KCNQ3: variants seen among roughly 807,000 people sequenced by gnomAD.
KCNQ3 encodes the protein potassium voltage-gated channel subfamily KQT member 3.
A neutral mutation model predicts 92.5 loss-of-function variants in KCNQ3; 30 were observed. That is an observed-to-expected ratio of 0.32 (90% CI 0.24 to 0.44). The LOEUF is 0.44. KCNQ3 is among the 20% of genes least tolerant of loss of function. KCNQ3 has a pLI of 1.00. For synonymous variants in KCNQ3, 450 were observed against 468.8 expected (o/e 0.96, Z 0.52); for missense variants, 913 against 1,140.3 (o/e 0.80, Z 2.87).
At chr8:132,344,641 A>C (rs891716978) in intron 1 of KCNQ3, among the ~76,000 whole-genome samples, 1 of 152,234 alleles carries the variant, frequency 6.6e-6, no homozygotes, top group African/African-American at 2.4e-5. Context: ...TATCTTCAGC[A>C]CCTAGGCAAA....
chr8:132,321,033 C>T (rs1817879724), intron 1 of KCNQ3, among the ~76,000 whole-genome samples: 1 of 152,234 alleles, frequency 6.6e-6, no homozygotes, highest in Non-Finnish European at 1.5e-5. Flanking sequence ...TAAGACAGGA[C>T]CTGGTCTTCA....
At chr8:132,159,792 G>A (rs769041131) in intron 9 of KCNQ3, among the ~76,000 whole-genome samples, 16 of 152,068 alleles carry the variant, frequency 1.1e-4, no homozygotes, top group Non-Finnish European at 2.1e-4. Context: ...AAGTTGGGTG[G>A]AACACTATGA....
chr8:132,161,930 C>G (rs1826003554), intron 9 of KCNQ3, among the ~76,000 whole-genome samples: 1 of 152,226 alleles, frequency 6.6e-6, no homozygotes, highest in South Asian at 2.1e-4. Flanking sequence ...ATCTCAACTG[C>G]TAATGCATCA....
chr8:132,258,494 G>T (rs540192211), intron 1 of KCNQ3, among the ~76,000 whole-genome samples: 1 of 152,082 alleles, frequency 6.6e-6, no homozygotes, highest in African/African-American at 2.4e-5. Context: ...CAAAACTTAT[G>T]AGATACAGCA....
intron 1 of KCNQ3, among the ~76,000 whole-genome samples, chr8:132,363,455 G>C (rs1017093441): frequency 2.0e-5 from 3 of 152,110 alleles, no homozygotes; most frequent in Non-Finnish European, 4.4e-5. Flanking sequence ...TGTGGCAAAG[G>C]AGGAAGGGGA....
chr8:132,290,469 G>A (rs553368801), intron 1 of KCNQ3, among the ~76,000 whole-genome samples: 3 of 152,276 alleles, frequency 2.0e-5, no homozygotes, highest in Non-Finnish European at 2.9e-5. Flanking sequence ...ATTTTCACAT[G>A]GATTACTTTG....
At chr8:132,328,036 G>A (rs1818111218) in intron 1 of KCNQ3, among the ~76,000 whole-genome samples, 1 of 152,164 alleles carries the variant, frequency 6.6e-6, no homozygotes, top group Non-Finnish European at 1.5e-5. Context: ...GGGCATGGGT[G>A]ATGAGCAGGA....
chr8:132,448,568 G>A (rs929824263), intron 1 of KCNQ3, among the ~76,000 whole-genome samples: 2 of 149,560 alleles, frequency 1.3e-5, no homozygotes, highest in African/African-American at 5.0e-5. Flanking sequence ...AGGAGGAGGA[G>A]GAAGGATGTG....
intron 1 of KCNQ3, among the ~76,000 whole-genome samples, chr8:132,302,893 G>C (rs1817265995): frequency 1.3e-5 from 2 of 152,204 alleles, no homozygotes; most frequent in African/African-American, 4.8e-5. Context: ...GCAGCTGGCT[G>C]TTTTATAAGC....
rs549372035 is a variant in KCNQ3 at position 132,175,530 on chromosome 8, C to A, written c.856G>T (p.Val286Phe). The A allele has an allele frequency of 2.9e-5, 46 of 1,614,006 alleles. No homozygotes were observed. Among genetic ancestry groups the A allele is most frequent in the Non-Finnish European group, 3.6e-5 (43 of 1,179,976 alleles). Residue 286 changes from valine to phenylalanine, a missense_variant, in exon 5 of 15, where the codon GTC becomes TTC. By Grantham distance (50) the Val-to-Phe change is conservative. Transcript: ENST00000388996. ...TCTCCTTGTGCATCCACCTCTGGGA[C>A]GTCTTTCTCAACCAGGTAGACAAGA... ...SFLVYLVEKD[V>F]PEVDAQGEEM...
At chr8:132,337,905 G>A (rs1444670081) in intron 1 of KCNQ3, among the ~76,000 whole-genome samples, 1 of 152,218 alleles carries the variant, frequency 6.6e-6, no homozygotes. Flanking sequence ...CTTGCCAAGA[G>A]AGGAACATCA....
At chr8:132,176,807 C>G (rs930270676) in intron 4 of KCNQ3, among the ~76,000 whole-genome samples, 3 of 152,230 alleles carry the variant, frequency 2.0e-5, no homozygotes, top group Non-Finnish European at 4.4e-5. Flanking sequence ...TATTCCCTCC[C>G]CATTTTCTAA....
At chr8:132,326,489 T>TGG (rs1818055684) in intron 1 of KCNQ3, among the ~76,000 whole-genome samples, 1 of 152,150 alleles carries the variant, frequency 6.6e-6, no homozygotes, top group South Asian at 2.1e-4. Flanking sequence ...TTTGAATGTG[T>TGG]CTCCACCAAA....
At chr8:132,238,398 T>C (rs12681384) in intron 1 of KCNQ3, among the ~76,000 whole-genome samples, 87,429 of 151,364 alleles carry the variant, frequency 0.58, 25,953 homozygotes, top group East Asian at 0.81. Flanking sequence ...TAAGGCATCC[T>C]CTCCTCATGA....
chr8:132,315,944 G>A (rs975432928), intron 1 of KCNQ3, among the ~76,000 whole-genome samples: 9 of 152,222 alleles, frequency 5.9e-5, no homozygotes, highest in East Asian at 1.9e-4. Flanking sequence ...TAGGGAAACT[G>A]TCTTAAAATA....
intron 1 of KCNQ3, among the ~76,000 whole-genome samples, chr8:132,287,458 T>C (rs1816708539): frequency 6.6e-6 from 1 of 152,190 alleles, no homozygotes; most frequent in Admixed American, 6.5e-5. Context: ...TTAAACAAAG[T>C]TTGTACACAA....
intron 1 of KCNQ3, among the ~76,000 whole-genome samples, chr8:132,468,007 G>A (rs912314610): frequency 2.6e-5 from 4 of 152,278 alleles, no homozygotes; most frequent in African/African-American, 7.2e-5. Context: ...TCAAAGTTCC[G>A]TTCCAGCTCC....
intron 1 of KCNQ3, among the ~76,000 whole-genome samples, chr8:132,373,801 T>A (rs567043546): frequency 2.6e-5 from 4 of 152,144 alleles, no homozygotes; most frequent in Non-Finnish European, 5.9e-5. Flanking sequence ...GCCCTGAAGA[T>A]GAGTCCTCCC....
chr8:132,178,541 C>T (rs1826645082), intron 4 of KCNQ3, among the ~76,000 whole-genome samples: 1 of 152,188 alleles, frequency 6.6e-6, no homozygotes, highest in African/African-American at 2.4e-5. Context: ...GGAGGATTCA[C>T]ATTTTTACCA....
Sources: allele counts gnomAD v4.1 joint callset (sites outside exome capture counted in the v4.1 genomes callset), GRCh38; gene constraint gnomAD v4.1.1; transcripts MANE v1.5; gene names NCBI Gene and HGNC (gene_info 2026-07-23, HGNC 2026-07-21).